The following AGBL1 variants were observed in gnomAD, a reference collection of about 807,000 sequenced individuals.
The protein encoded by AGBL1 is cytosolic carboxypeptidase 4.
A neutral mutation model predicts 118.9 loss-of-function variants in AGBL1; 130 were observed. The ratio of observed to expected loss-of-function variants is 1.09; its 90% CI spans 0.95 to 1.26. AGBL1 has a LOEUF of 1.26. AGBL1 is among the 50% of genes most tolerant of loss of function. The probability of loss-of-function intolerance (pLI) is 0.00; values close to 1 mark genes in which losing one functional copy is unlikely to be tolerated. For synonymous variants in AGBL1, 555 were observed against 478.9 expected (o/e 1.16, Z -2.08); for missense variants, 1,584 against 1,298.1 (o/e 1.22, Z -3.38).
At chr15:86,750,244 CT>C (rs1164394073) in intron 22 of AGBL1, among the ~76,000 whole-genome samples, 2 of 151,778 alleles carry the variant, frequency 1.3e-5, no homozygotes, top group African/African-American at 2.4e-5. Context: ...TTGTTTTGTA[CT>C]TTTTTATTTT....
chr15:86,511,434 A>G (rs1441359608), intron 18 of AGBL1, among the ~76,000 whole-genome samples: 1 of 152,026 alleles, frequency 6.6e-6, no homozygotes, highest in East Asian at 1.9e-4. Flanking sequence ...CTTTTCATCC[A>G]TTGCAAACAC....
chr15:86,719,138 A>G (rs1050981617), intron 22 of AGBL1, among the ~76,000 whole-genome samples: 5 of 152,208 alleles, frequency 3.3e-5, no homozygotes, highest in Non-Finnish European at 5.9e-5. Context: ...AAGAAAAAAT[A>G]TGTAAGCATT....
intron 17 of AGBL1, among the ~76,000 whole-genome samples, chr15:86,301,042 CT>C (rs1482817387): frequency 6.6e-6 from 1 of 152,144 alleles, no homozygotes; most frequent in Admixed American, 6.6e-5. Flanking sequence ...TCTCTCTGGC[CT>C]TTGTCTCTTT....
In AGBL1 at chr15:86,701,802, T is replaced by A. The variant is rs1385799494; in HGVS notation, c.3158+27366T>A. Among the ~76,000 whole-genome samples the A allele has an allele frequency of 3.7e-5, 5 of 136,964 alleles. No individual in the cohort carries two copies. In the Admixed American group the frequency reaches 3.8e-4, roughly 10 times the overall value. 89.9% of individuals were successfully genotyped at this position (136,964 alleles called of 152,430 possible). On this transcript the variant is annotated intron_variant, in intron 22 of 22. Transcript: ENST00000614907. ...CTCCCCTCCCCACTCCTTCCTTCCC[T>A]CCTTTCTCTTCCCCACCTCTCCTCC...
intron 22 of AGBL1, among the ~76,000 whole-genome samples, chr15:86,741,841 A>G (rs886276117): frequency 1.3e-5 from 2 of 152,124 alleles, no homozygotes; most frequent in African/African-American, 4.8e-5. Context: ...CTTACATTTA[A>G]GAGTTATTTT....
At chr15:86,126,526 T>G (rs1404039835) in intron 1 of AGBL1, among the ~76,000 whole-genome samples, 2 of 152,196 alleles carry the variant, frequency 1.3e-5, no homozygotes, top group Admixed American at 1.3e-4. Flanking sequence ...AATTGAACAG[T>G]GCTTCAAGCA....
intron 23 of AGBL1, among the ~76,000 whole-genome samples, chr15:86,972,738 G>A (rs2081122553): frequency 6.6e-6 from 1 of 151,926 alleles, no homozygotes; most frequent in Non-Finnish European, 1.5e-5. Context: ...ATGCTAATGT[G>A]GCCATTCTGC....
chr15:86,318,493 T>C (rs2080052352), intron 17 of AGBL1, among the ~76,000 whole-genome samples: 1 of 149,570 alleles, frequency 6.7e-6, no homozygotes, highest in Non-Finnish European at 1.5e-5. Flanking sequence ...TACTCAATGT[T>C]TTTTTTTTTC....
intron 19 of AGBL1, among the ~76,000 whole-genome samples, chr15:86,525,301 T>G (rs1022331954): frequency 1.3e-5 from 2 of 152,144 alleles, no homozygotes; most frequent in African/African-American, 4.8e-5. Context: ...AGAATCAATA[T>G]TTTGAAAATC....
chr15:86,118,102 T>C (rs1897872628), intron 1 of AGBL1, among the ~76,000 whole-genome samples: 1 of 152,186 alleles, frequency 6.6e-6, no homozygotes, highest in Non-Finnish European at 1.5e-5. Flanking sequence ...ATATAATGTT[T>C]CTACTCAGAA....
At chr15:86,135,379 T>C (rs1328698534) in intron 1 of AGBL1, among the ~76,000 whole-genome samples, 1 of 152,142 alleles carries the variant, frequency 6.6e-6, no homozygotes, top group Non-Finnish European at 1.5e-5. Context: ...AATTACCCAA[T>C]CTCAAGCTTT....
intron 23 of AGBL1, among the ~76,000 whole-genome samples, chr15:86,963,945 T>A (rs986669756): frequency 1.3e-5 from 2 of 150,708 alleles, no homozygotes; most frequent in African/African-American, 4.9e-5. Flanking sequence ...TACATTGGCA[T>A]AATTTAAGAA....
chr15:86,812,967 G>T (rs546530560), intron 22 of AGBL1, among the ~76,000 whole-genome samples: 1 of 152,066 alleles, frequency 6.6e-6, no homozygotes, highest in South Asian at 2.1e-4. Flanking sequence ...GAAAGAAAAG[G>T]CTTTACAGGT....
At chr15:86,396,893 T>C (rs771165517) in intron 17 of AGBL1, among the ~76,000 whole-genome samples, 11 of 152,296 alleles carry the variant, frequency 7.2e-5, no homozygotes, top group Non-Finnish European at 1.5e-4. Context: ...ATCATGCTAT[T>C]GAACTCTGGA....
At chr15:86,091,679 G>T (rs557169068) in intron 1 of AGBL1, among the ~76,000 whole-genome samples, 2 of 152,278 alleles carry the variant, frequency 1.3e-5, no homozygotes, top group Admixed American at 1.3e-4. Flanking sequence ...ACTTGATCAG[G>T]TTTAAGTTTT....
At chr15:86,653,905 C>G (rs2085419950) in intron 21 of AGBL1, among the ~76,000 whole-genome samples, 1 of 152,078 alleles carries the variant, frequency 6.6e-6, no homozygotes, top group Non-Finnish European at 1.5e-5. Context: ...TTTTCCAACT[C>G]TCAACTTTGT....
rs577675203 is a variant in AGBL1, at chr15:86,853,357, A to AC, written c.3159-53728dup. Among the ~76,000 whole-genome samples the AC allele has an allele frequency of 1.4e-3, 209 of 152,312 alleles. 1 individual carries two copies. Among genetic ancestry groups the AC allele is most frequent in the African/African-American group, 4.8e-3 (198 of 41,566 alleles). On this transcript the variant is annotated intron_variant, in intron 22 of 22. Coordinates refer to ENST00000614907, the MANE Select transcript of AGBL1 (RefSeq NM_001386094.1). ...TTAAGCAAGCAGTAGAGAGCTAATT[A>AC]CCTTATTTTTTATATCTCGATTTCT...
At chr15:86,338,294 G>A (rs962445928) in intron 17 of AGBL1, among the ~76,000 whole-genome samples, 1 of 152,054 alleles carries the variant, frequency 6.6e-6, no homozygotes, top group Non-Finnish European at 1.5e-5. Context: ...TGCTTGGTGG[G>A]TCCTAATCAG....
chr15:86,894,084 T>A (rs1221468543), intron 22 of AGBL1, among the ~76,000 whole-genome samples: 1 of 152,188 alleles, frequency 6.6e-6, no homozygotes, highest in Non-Finnish European at 1.5e-5. Context: ...GACTTCACTT[T>A]TGAATGTGTG....
Sources: allele counts gnomAD v4.1 joint callset (sites outside exome capture counted in the v4.1 genomes callset), GRCh38; gene constraint gnomAD v4.1.1; transcripts MANE v1.5; gene names NCBI Gene and HGNC (gene_info 2026-07-23, HGNC 2026-07-21).